The following RAD51B variants were observed in gnomAD, a reference collection of about 807,000 sequenced individuals.
RAD51B encodes RAD51 paralog B, also known as DNA repair protein RAD51 homolog 2.
Under a neutral mutation model 42.2 loss-of-function variants are expected in RAD51B, and 38 were observed. The ratio of observed to expected loss-of-function variants is 0.90; its 90% CI spans 0.70 to 1.18. The LOEUF is 1.18. Ranked by LOEUF, RAD51B falls within the 50% of genes most tolerant of loss-of-function variation. RAD51B has a pLI of 0.00. For missense variants in RAD51B, 373 were observed against 400.7 expected, an observed-to-expected ratio of 0.93 and a Z score of 0.59; for synonymous variants, 154 against 145.2, an observed-to-expected ratio of 1.06 and a Z score of -0.43.
intron 10 of RAD51B, among the ~76,000 whole-genome samples, chr14:68,555,421 A>G (rs1888791181): frequency 6.6e-6 from 1 of 152,320 alleles, no homozygotes; most frequent in South Asian, 2.1e-4. Context: ...CTGTCTGTCT[A>G]ACGGGGTGGG....
chr14:68,576,044 C>A (rs537284665), intron 10 of RAD51B, among the ~76,000 whole-genome samples: 1 of 152,240 alleles, frequency 6.6e-6, no homozygotes, highest in East Asian at 1.9e-4. Context: ...AATAGTGTGA[C>A]TGGGGCCTGG....
rs192542384 is a variant in RAD51B at position 68,127,369 on chromosome 14, C to G, written c.757-164515C>G. Among the ~76,000 whole-genome samples, 46 of 152,288 alleles carry G rather than the reference C, an allele frequency of 3.0e-4. No individual in the cohort carries two copies. In the East Asian group the frequency reaches 8.1e-3, roughly 27 times the overall value. ...CTGTTTCAACGATTTGTTTATATAG[C>G]TGTCTCTTCTATTAGACTGCAAATT... On this transcript the variant is annotated intron_variant, in intron 7 of 10. Transcript: ENST00000471583.
chr14:68,412,991 T>C (rs140988350), intron 9 of RAD51B, among the ~76,000 whole-genome samples: 3 of 152,304 alleles, frequency 2.0e-5, no homozygotes, highest in East Asian at 1.9e-4. Context: ...TGAAAACTTA[T>C]AGTTTATCTC....
At chr14:68,417,438 C>T (rs968315154) in intron 9 of RAD51B, among the ~76,000 whole-genome samples, 1 of 152,186 alleles carries the variant, frequency 6.6e-6, no homozygotes, top group African/African-American at 2.4e-5. Context: ...TCCAGAGCTG[C>T]TCAAGTGTGA....
At chr14:68,474,386 G>A (rs1207209665) in intron 10 of RAD51B, among the ~76,000 whole-genome samples, 3 of 151,990 alleles carry the variant, frequency 2.0e-5, no homozygotes, top group Non-Finnish European at 4.4e-5. Context: ...CCTTCTTTAG[G>A]GATGCACTGC....
intron 7 of RAD51B, among the ~76,000 whole-genome samples, chr14:68,239,607 T>C (rs1005360338): frequency 3.3e-5 from 5 of 152,000 alleles, no homozygotes; most frequent in Non-Finnish European, 5.9e-5. Flanking sequence ...TTTTGTTCAC[T>C]GTTCTCTGTC....
chr14:68,280,793 C>T (rs940101190), intron 7 of RAD51B, among the ~76,000 whole-genome samples: 1 of 152,154 alleles, frequency 6.6e-6, no homozygotes, highest in Non-Finnish European at 1.5e-5. Flanking sequence ...GTGGCTCACA[C>T]CTGTAAACCC....
At position 68,052,474 on chromosome 14, in the gene RAD51B, C is replaced by T. The variant is rs1023571160; in HGVS notation, c.756+165270C>T. On this transcript the variant is annotated intron_variant, in intron 7 of 10. Transcript: ENST00000471583. ...TGAGGATAGAGCCCTGGAGTTGGTCCCATTACCACTATAATCACTTCCTCT... is the reference window on the plus strand; with the variant it reads ...TGAGGATAGAGCCCTGGAGTTGGTCTCATTACCACTATAATCACTTCCTCT... 4.6e-5 allele frequency among the ~76,000 whole-genome samples: 7 copies of T among 152,072 alleles called. No homozygotes were observed. The East Asian group carries it at 5.8e-4, about 13-fold the overall frequency.
chr14:68,290,495 G>T (rs2081494866), intron 7 of RAD51B, among the ~76,000 whole-genome samples: 1 of 152,208 alleles, frequency 6.6e-6, no homozygotes, highest in Non-Finnish European at 1.5e-5. Context: ...TTGAAAATTT[G>T]TGTGGCATTC....
intron 8 of RAD51B, among the ~76,000 whole-genome samples, chr14:68,370,931 G>A (rs2083241479): frequency 6.7e-6 from 1 of 150,254 alleles, no homozygotes; most frequent in African/African-American, 2.4e-5. Context: ...CAGCTGCTCA[G>A]GAAGTGGAGG....
intron 7 of RAD51B, among the ~76,000 whole-genome samples, chr14:68,264,836 G>A (rs553281435): frequency 6.8e-4 from 104 of 152,206 alleles, no homozygotes; most frequent in Non-Finnish European, 1.3e-3. Flanking sequence ...CTTCTTTACC[G>A]TTTCTCGTCT....
chr14:68,505,029 C>T (rs573260369), intron 10 of RAD51B, among the ~76,000 whole-genome samples: 18 of 152,278 alleles, frequency 1.2e-4, no homozygotes, highest in Middle Eastern at 3.4e-3. Flanking sequence ...TTTGAAAGGC[C>T]GTTAAATTCC....
intron 10 of RAD51B, among the ~76,000 whole-genome samples, chr14:68,477,035 A>G (rs1015551002): frequency 1.3e-5 from 2 of 152,200 alleles, no homozygotes; most frequent in African/African-American, 4.8e-5. Flanking sequence ...GTCCTGAAGG[A>G]GCCCTTCAAT....
rs529441037 is a variant in RAD51B, at chr14:68,074,787, C to T, written c.756+187583C>T. ...ATTCTTGTCCTTGGTTCCCCAGAAG[C>T]GTATATTAGCAAAGTATTTTTGGTG... is the stretch of plus-strand genomic sequence containing the variant. On this transcript the variant is annotated intron_variant, in intron 7 of 10. Transcript: ENST00000471583. Among the ~76,000 whole-genome samples, 14 of 152,252 alleles carry T rather than the reference C, an allele frequency of 9.2e-5. No homozygotes were observed. The South Asian group carries it at 2.9e-3, about 32-fold the overall frequency.
At chr14:68,050,590 C>G (rs2076376267) in intron 7 of RAD51B, among the ~76,000 whole-genome samples, 1 of 152,158 alleles carries the variant, frequency 6.6e-6, no homozygotes, top group South Asian at 2.1e-4. Flanking sequence ...TTAGGCATCT[C>G]TATTCACACG....
chr14:68,084,752 C>G (rs186377788), intron 7 of RAD51B, among the ~76,000 whole-genome samples: 96 of 152,266 alleles, frequency 6.3e-4, no homozygotes, highest in African/African-American at 2.1e-3. Flanking sequence ...TTGATTGATT[C>G]ATTCATTCAA....
At chr14:68,231,040 C>T (rs2080139188) in intron 7 of RAD51B, among the ~76,000 whole-genome samples, 1 of 152,064 alleles carries the variant, frequency 6.6e-6, no homozygotes, top group African/African-American at 2.4e-5. Flanking sequence ...GGGTAACTGA[C>T]CTCAAAACAA....
intron 8 of RAD51B, among the ~76,000 whole-genome samples, chr14:68,315,599 G>C (rs1471849984): frequency 6.6e-6 from 1 of 152,038 alleles, no homozygotes; most frequent in Non-Finnish European, 1.5e-5. Context: ...TCTGCTCACT[G>C]CAAGCTCCAC....
chr14:68,626,867 A>G (rs989661417), intron 10 of RAD51B, among the ~76,000 whole-genome samples: 3 of 152,210 alleles, frequency 2.0e-5, no homozygotes, highest in Admixed American at 1.3e-4. Context: ...AAAGGCTGCC[A>G]TCTTGGAGAC....
Sources: gnomAD v4.1 joint callset for allele counts (sites outside exome capture counted in the v4.1 genomes callset) on GRCh38, gnomAD v4.1.1 for gene constraint, MANE v1.5 for transcripts, NCBI Gene and HGNC (gene_info 2026-07-23, HGNC 2026-07-21) for gene names.